The following CUL4A variants were observed in gnomAD, a reference collection of about 807,000 sequenced individuals.
CUL4A encodes the protein cullin-4A.
A neutral mutation model predicts 95.5 loss-of-function variants in CUL4A; 16 were observed. The observed-to-expected ratio is 0.17, with a 90% confidence interval of 0.11 to 0.25. The LOEUF (loss-of-function observed/expected upper bound fraction) is 0.25. Among genes scored for constraint, CUL4A ranks in the 10% least tolerant of loss-of-function variants. The pLI is 1.00. For missense variants in CUL4A, 610 were observed against 937.0 expected, an observed-to-expected ratio of 0.65 and a Z score of 4.56; for synonymous variants, 380 against 353.1, an observed-to-expected ratio of 1.08 and a Z score of -0.85.
At chr13:113,254,665 A>T (rs1346911769) in intron 16 of CUL4A, 28 bp from the exon 17 acceptor site, 3 of 1,398,596 alleles carry the variant, frequency 2.1e-6, no homozygotes, top group Non-Finnish European at 3.0e-6. Flanking sequence ...GCACAGCTTC[A>T]GAGGTGTGAT....
intron 14 of CUL4A, among the ~76,000 whole-genome samples, chr13:113,245,733 G>A (rs1011093784): frequency 6.6e-6 from 1 of 152,150 alleles, no homozygotes; most frequent in Non-Finnish European, 1.5e-5. Context: ...AGATCTAAAC[G>A]TGTGGCAAGA....
At position 113,243,098 on chromosome 13, in the gene CUL4A, T is replaced by C. The variant is rs2041765417; in HGVS notation, c.1166T>C (p.Leu389Pro). ...CFQKNERFVN[L>P]MKESFETFIN... ...CAGAAGAATGAGCGGTTCGTCAACC[T>C]GATGAAGGAGTCCTTTGAGACGTTC... Residue 389 changes from leucine (L) to proline (P), a missense_variant, in exon 11 of 20, where the codon CTG (leucine) becomes CCG (proline). By Grantham distance (98) the Leu-to-Pro change is moderately conservative. This residue lies in a region of CUL4A where 153 missense variants were observed against 244.5 expected (regional missense o/e 0.63). Transcript: ENST00000375440. 1 of 1,614,114 alleles carries C rather than the reference T, an allele frequency of 6.2e-7. No individual in the cohort carries two copies. Among genetic ancestry groups the C allele is most frequent in the Non-Finnish European group, 8.5e-7 (1 of 1,180,048 alleles).
rs767080315 is a variant in CUL4A at position 113,229,453 on chromosome 13, T to A, written c.446T>A (p.Ile149Asn). Reference protein sequence around the residue: ...WQDHCRQMIMIRSIFLFLDRT... With the variant: ...WQDHCRQMIMNRSIFLFLDRT... ...CTCCTTTCTGCTGGTCAGATCATGATCAGAAGCATCTTCCTGTTCTTGGAC... is the reference window on the plus strand; with the variant it reads ...CTCCTTTCTGCTGGTCAGATCATGAACAGAAGCATCTTCCTGTTCTTGGAC... The change falls in exon 5 of 20, where the codon ATC becomes AAC. Residue 149 changes from isoleucine to asparagine, a missense_variant. Coordinates refer to ENST00000375440, the MANE Select transcript of CUL4A (RefSeq NM_001008895.4). 2.2e-5 allele frequency: 36 copies of A among 1,613,456 alleles called. No individual in the cohort carries two copies. The highest frequency in any genetic ancestry group is 6.8e-6 in the Non-Finnish European group (8 of 1,179,976).
intron 6 of CUL4A, 84 bp downstream of exon 6, chr13:113,233,423 C>G (rs1405024867): frequency 2.3e-6 from 3 of 1,303,418 alleles, no homozygotes; most frequent in Non-Finnish European, 3.2e-6. Context: ...AGATGTTAAA[C>G]AATGAAATCA....
chr13:113,209,822 C>T (rs1426049635), intron 1 of CUL4A, 47 bp downstream of exon 1: 4 of 1,157,330 alleles, frequency 3.5e-6, no homozygotes, highest in East Asian at 3.9e-5. Flanking sequence ...GGGCGGGGAC[C>T]CCACGAGACC....
rs2042380109 is a variant in CUL4A at position 113,265,347 on chromosome 13, G to C, written c.*1765G>C. ...GAGGATCGTTTGAGCCTGAGTTCCA[G>C]ACCATCCTGAGCACCATAGGGAGAT... is the stretch of plus-strand genomic sequence containing the variant. On this transcript the variant is annotated 3_prime_UTR_variant, in exon 20 of 20. Transcript: ENST00000375440. The C allele has an allele frequency of 6.6e-6, 1 of 152,264 alleles. No homozygotes were observed. Among genetic ancestry groups the C allele is most frequent in the South Asian group, 2.1e-4 (1 of 4,830 alleles). 9.4% of individuals were successfully genotyped at this position (152,264 alleles called of 1,614,324 possible).
At chr13:113,210,241 C>G (rs1170512003) in intron 2 of CUL4A, among the ~76,000 whole-genome samples, 153 bp downstream of exon 2, 1 of 152,216 alleles carries the variant, frequency 6.6e-6, no homozygotes, top group African/African-American at 2.4e-5. Context: ...CCAGAGGCAA[C>G]AAGTGGTTTT....
intron 19 of CUL4A, 107 bp downstream of exon 19, chr13:113,260,866 T>G: frequency 1.1e-6 from 1 of 888,492 alleles, no homozygotes; most frequent in Middle Eastern, 3.6e-4. Context: ...TTATTCATGG[T>G]GCTTTGTGTA....
Position 113,265,793 on chromosome 13 carries a change from G to C in CUL4A, c.*2211G>C, listed in dbSNP as rs897622818. The C allele has an allele frequency of 2.0e-5, 3 of 152,168 alleles. No individual in the cohort carries two copies. The highest frequency in any genetic ancestry group is 6.5e-5 in the Admixed American group (1 of 15,268). The allele number at this position is 152,168 out of a possible 1,614,324, so 9.4% of individuals were successfully genotyped here. On this transcript the variant is annotated 3_prime_UTR_variant, in exon 20 of 20. Transcript: ENST00000375440. ...AAAGGTCAGTGTGGTAAAACAAATA[G>C]TATAGAAGAAATCATTGAAAAAGAA...
chr13:113,209,020 T>G, upstream of CUL4A: 25 of 487,446 alleles, frequency 5.1e-5, no homozygotes, highest in South Asian at 1.9e-4. Flanking sequence ...GGCCAGGGCC[T>G]CGGGGCGCGC....
rs1418174734 is a variant in CUL4A at position 113,264,107 on chromosome 13, C to T, written c.*525C>T. 6.6e-6 allele frequency: 1 copy of T among 152,322 alleles called. No individual in the cohort carries two copies. Among genetic ancestry groups the T allele is most frequent in the Non-Finnish European group, 1.5e-5 (1 of 68,054 alleles). The allele number at this position is 152,322 out of a possible 1,614,324, so 9.4% of individuals were successfully genotyped here. On this transcript the variant is annotated 3_prime_UTR_variant, in exon 20 of 20. Coordinates refer to ENST00000375440, the MANE Select transcript of CUL4A (RefSeq NM_001008895.4). ...TCAAAGCTGGCGAATGGATGACGCA[C>T]CCTAGCCACTGGCCCCTCTCTGTTT...
intron 11 of CUL4A, chr13:113,244,115 C>A: frequency 3.8e-6 from 1 of 265,948 alleles, no homozygotes; most frequent in Non-Finnish European, 7.2e-6. Context: ...GTCCTGAAAC[C>A]TGAGCATGTA....
chr13:113,254,641 CAA>C, intron 16 of CUL4A, 50 bp from the exon 17 acceptor site: 1 of 1,222,172 alleles, frequency 8.2e-7, no homozygotes, highest in Non-Finnish European at 1.1e-6. Context: ...TTTAATTTTT[CAA>C]AGATTGTACA....
chr13:113,219,274 G>C, intron 3 of CUL4A: 1 of 425,384 alleles, frequency 2.4e-6, no homozygotes, highest in Non-Finnish European at 4.2e-6. Flanking sequence ...GAAGTATTTA[G>C]GAAATGTTCT....
At chr13:113,260,211 A>AAAAAAC (rs1555307262) in intron 18 of CUL4A, among the ~76,000 whole-genome samples, 1 of 119,510 alleles carries the variant, frequency 8.4e-6, no homozygotes, top group African/African-American at 3.6e-5. Context: ...CTCAAAAAAA[A>AAAAAAC]AAAAAAAACC....
At chr13:113,260,216 A>AAAAAAAAAAAAAAAAAAAAAAAAAAAAAG in intron 18 of CUL4A, among the ~76,000 whole-genome samples, 1 of 134,672 alleles carries the variant, frequency 7.4e-6, no homozygotes, top group Non-Finnish European at 1.6e-5. Flanking sequence ...AAAAAAAAAA[A>AAAAAAAAAAAAAAAAAAAAAAAAAAAAAG]AAACCATTTC....
chr13:113,263,634 C>A lies in CUL4A; in HGVS notation c.*52C>A. ...GAAACACTAGAATGTACCCTCAGAG[C>A]AGGAAGCACACCTGTGCCATTTCTG... is the stretch of plus-strand genomic sequence containing the variant. On this transcript the variant is annotated 3_prime_UTR_variant, in exon 20 of 20. Coordinates refer to ENST00000375440, the MANE Select transcript of CUL4A (RefSeq NM_001008895.4). The A allele has an allele frequency of 8.6e-7, 1 of 1,165,014 alleles. No individual in the cohort carries two copies. Among genetic ancestry groups the A allele is most frequent in the Non-Finnish European group, 1.2e-6 (1 of 801,674 alleles). The allele number at this position is 1,165,014 out of a possible 1,614,324, so 72.2% of individuals were successfully genotyped here.
chr13:113,245,374 C>A (rs1201805044), intron 14 of CUL4A, 137 bp downstream of exon 14: 2 of 751,322 alleles, frequency 2.7e-6, no homozygotes, highest in Non-Finnish European at 2.2e-6. Flanking sequence ...CTACCCTGAT[C>A]AACATAGCAA....
At position 113,235,083 on chromosome 13, in the gene CUL4A, T is replaced by A. The variant is rs1488480214; in HGVS notation, c.786T>A (p.His262Gln). Residue 262 changes from histidine to glutamine, a missense_variant, in exon 8 of 20, where the codon CAT becomes CAA. Physicochemically the swap from His to Gln is conservative, Grantham distance 24. Around this residue, in one of 10 missense-constraint regions of CUL4A, gnomAD observed 153 missense variants for 244.5 expected, o/e 0.63. Coordinates refer to ENST00000375440, the MANE Select transcript of CUL4A (RefSeq NM_001008895.4). The stretch of plus-strand genomic sequence containing the variant: ...GTAAGGTTCCAGAATATCTTAACCA[T>A]GTAAGTAAACGCTTAGAGGAAGAGG... ...QEREVPEYLN[H>Q]VSKRLEEEGD... is the part of the protein sequence containing the mutation. 2 of 1,612,284 alleles carry A rather than the reference T, an allele frequency of 1.2e-6. No individual in the cohort carries two copies. Among genetic ancestry groups the A allele is most frequent in the African/African-American group, 2.7e-5 (2 of 74,908 alleles).
Sources: gnomAD v4.1 joint callset for allele counts (sites outside exome capture counted in the v4.1 genomes callset) on GRCh38, gnomAD v4.1.1 for gene constraint, gnomAD v4.1.1 regional missense constraint, MANE v1.5 for transcripts, NCBI Gene and HGNC (gene_info 2026-07-23, HGNC 2026-07-21) for gene names.